Variants in ADAMTS2 observed in about 807,000 individuals in gnomAD.
ADAMTS2 encodes A disintegrin and metalloproteinase with thrombospondin motifs 2.
A neutral mutation model predicts 123.0 loss-of-function variants in ADAMTS2; 50 were observed. The ratio of observed to expected loss-of-function variants is 0.41; its 90% CI spans 0.32 to 0.51. The LOEUF (loss-of-function observed/expected upper bound fraction) is 0.51. ADAMTS2 is among the 20% of genes least tolerant of loss of function. The pLI, the probability that ADAMTS2 is intolerant of heterozygous loss-of-function variation, is 0.35. For synonymous variants in ADAMTS2, 678 were observed against 695.4 expected (o/e 0.98, Z 0.39); for missense variants, 1,494 against 1,705.2 (o/e 0.88, Z 2.18).
In ADAMTS2 at chr5:179,291,611, T is replaced by C. The variant is rs186992692; in HGVS notation, c.535-18547A>G. On this transcript the variant is annotated intron_variant, in intron 2 of 21. Transcript: ENST00000251582. ...GGTGGCAGAGTGTGGAAGGCGGGAGTGTGCCCACCATTAAACGAGGTTGAA... is the reference window on the plus strand; with the variant it reads ...GGTGGCAGAGTGTGGAAGGCGGGAGCGTGCCCACCATTAAACGAGGTTGAA... Among the ~76,000 whole-genome samples, 6 of 152,074 alleles carry C rather than the reference T, an allele frequency of 3.9e-5. No homozygotes were observed. In the East Asian group the frequency reaches 1.2e-3, roughly 29 times the overall value.
At chr5:179,147,847 C>T (rs1288303888) in intron 10 of ADAMTS2, among the ~76,000 whole-genome samples, 1 of 152,124 alleles carries the variant, frequency 6.6e-6, no homozygotes, top group Non-Finnish European at 1.5e-5. Context: ...AGAATTGTAT[C>T]AATGAGAAGC....
chr5:179,223,442 T>A (rs1303905103), intron 3 of ADAMTS2, among the ~76,000 whole-genome samples: 1 of 130,024 alleles, frequency 7.7e-6, no homozygotes. Flanking sequence ...ACGAACGCAC[T>A]CACACACGCA....
chr5:179,342,248 C>G (rs950963674), intron 2 of ADAMTS2, among the ~76,000 whole-genome samples: 1 of 152,202 alleles, frequency 6.6e-6, no homozygotes, highest in Non-Finnish European at 1.5e-5. Context: ...AGACTGCAAC[C>G]CCATGTCAAC....
At chr5:179,151,116 T>G (rs1330297829) in intron 10 of ADAMTS2, 4 of 381,548 alleles carry the variant, frequency 1.0e-5, no homozygotes, top group Middle Eastern at 3.5e-4. Flanking sequence ...AGACTTGTCT[T>G]GAACTTCTGA....
At chr5:179,211,242 C>T (rs1223249540) in intron 3 of ADAMTS2, among the ~76,000 whole-genome samples, 3 of 152,248 alleles carry the variant, frequency 2.0e-5, no homozygotes, top group Non-Finnish European at 2.9e-5. Context: ...CTGTATCCCT[C>T]GGCACTCACC....
In ADAMTS2 at chr5:179,326,863, A is replaced by AGGAGAG. The variant is rs369135976; in HGVS notation, c.534+16898_534+16903dup. ...ATGGCCAAAAACTGAAGTCATGGGA[A>AGGAGAG]GGAGAGGGAGAGGGAGAGGGAGAGA... is the stretch of plus-strand genomic sequence containing the variant. On this transcript the variant is annotated intron_variant, in intron 2 of 21. Coordinates refer to ENST00000251582, the MANE Select transcript of ADAMTS2 (RefSeq NM_014244.5). 5.0e-3 allele frequency among the ~76,000 whole-genome samples: 766 copies of AGGAGAG among 152,144 alleles called. 8 individuals are homozygous for AGGAGAG. Among genetic ancestry groups the AGGAGAG allele is most frequent in the East Asian group, 0.018 (92 of 5,150 alleles).
intron 3 of ADAMTS2, among the ~76,000 whole-genome samples, chr5:179,268,449 G>A (rs991085169): frequency 2.0e-5 from 3 of 152,210 alleles, no homozygotes; most frequent in African/African-American, 7.2e-5. Context: ...TCTGCAAATG[G>A]CACTGTGTGT....
intron 4 of ADAMTS2, among the ~76,000 whole-genome samples, chr5:179,190,720 T>G (rs894233594): frequency 1.3e-5 from 2 of 152,244 alleles, no homozygotes; most frequent in Admixed American, 6.5e-5. Flanking sequence ...CCCCAGCACC[T>G]AGTACAGGCT....
At position 179,202,443 on chromosome 5, in the gene ADAMTS2, CCTAA is replaced by C. The variant is rs577558369; in HGVS notation, c.891+5066_891+5069del. On this transcript the variant is annotated intron_variant, in intron 4 of 21. Transcript: ENST00000251582. The surrounding 1 kb of genome is among the most constrained non-coding windows in gnomAD (Gnocchi z 4.0). ...CCCTACCCTTCTTCCTTCTCCATCT[CCTAA>C]CTATTTTATTTCTTTCATTGCATTT... Among the ~76,000 whole-genome samples, 631 of 152,304 alleles carry C rather than the reference CCTAA, an allele frequency of 4.1e-3. 3 individuals carry two copies. The highest frequency in any genetic ancestry group is 0.014 in the African/African-American group (574 of 41,560).
chr5:179,275,808 T>C (rs1766680193), intron 2 of ADAMTS2, among the ~76,000 whole-genome samples: 1 of 152,210 alleles, frequency 6.6e-6, no homozygotes, highest in Non-Finnish European at 1.5e-5. Context: ...AGAGAACGAA[T>C]TCCTGCTGTT....
intron 3 of ADAMTS2, among the ~76,000 whole-genome samples, chr5:179,254,480 C>T (rs441329): frequency 2.0e-5 from 3 of 152,120 alleles, no homozygotes; most frequent in Non-Finnish European, 2.9e-5. Context: ...CACAACACTG[C>T]CAAAAACCAC....
intron 3 of ADAMTS2, among the ~76,000 whole-genome samples, chr5:179,271,323 G>T (rs4701088): frequency 6.6e-6 from 1 of 152,178 alleles, no homozygotes; most frequent in South Asian, 2.1e-4. Context: ...AGCTCACCTC[G>T]CCTGAGCAGA....
intron 2 of ADAMTS2, among the ~76,000 whole-genome samples, chr5:179,302,578 C>T (rs1487781398): frequency 2.6e-5 from 4 of 151,838 alleles, no homozygotes; most frequent in Admixed American, 6.6e-5. Flanking sequence ...ATAGATGTGG[C>T]CACAAAGGTG....
chr5:179,283,193 T>C (rs1766966519), intron 2 of ADAMTS2, among the ~76,000 whole-genome samples: 1 of 151,782 alleles, frequency 6.6e-6, no homozygotes, highest in Non-Finnish European at 1.5e-5. Flanking sequence ...ATAATGAGGG[T>C]TACAAATCAG....
intron 3 of ADAMTS2, among the ~76,000 whole-genome samples, chr5:179,208,711 C>T (rs1348754438): frequency 2.0e-5 from 3 of 152,244 alleles, no homozygotes. Context: ...GATGGCAGCC[C>T]CAGACCACAC....
chr5:179,302,535 G>A lies in ADAMTS2; in HGVS notation c.535-29471C>T, dbSNP rs1385218196. Among the ~76,000 whole-genome samples the A allele has an allele frequency of 9.9e-5, 15 of 152,000 alleles. No individual in the cohort carries two copies. The East Asian group carries it at 1.7e-3, about 18-fold the overall frequency. ...TGAGGACTTGTGGCCCAGTGGGTCC[G>A]GCTTCCCAACCTCCACCTTGCCAGC... On this transcript the variant is annotated intron_variant, in intron 2 of 21. Coordinates refer to ENST00000251582, the MANE Select transcript of ADAMTS2 (RefSeq NM_014244.5).
At chr5:179,310,629 C>T (rs973312308) in intron 2 of ADAMTS2, among the ~76,000 whole-genome samples, 5 of 152,268 alleles carry the variant, frequency 3.3e-5, no homozygotes, top group South Asian at 4.1e-4. Flanking sequence ...TGGGGGCCCC[C>T]GGGAGCTTGT....
At chr5:179,267,215 G>A (rs1425176586) in intron 3 of ADAMTS2, among the ~76,000 whole-genome samples, 1 of 152,202 alleles carries the variant, frequency 6.6e-6, no homozygotes, top group Non-Finnish European at 1.5e-5. Flanking sequence ...TGTGGGTCAG[G>A]AGGGGCTCTT....
intron 4 of ADAMTS2, among the ~76,000 whole-genome samples, chr5:179,203,277 G>A (rs1299519729): frequency 6.6e-6 from 1 of 152,228 alleles, no homozygotes; most frequent in Non-Finnish European, 1.5e-5. Context: ...ATCCAGTTCA[G>A]TGGGCAGCTC....
Sources: gnomAD v4.1 joint callset for allele counts (sites outside exome capture counted in the v4.1 genomes callset) on GRCh38, gnomAD v4.1.1 for gene constraint, Gnocchi (gnomAD v3.1) non-coding constraint, MANE v1.5 for transcripts, NCBI Gene and HGNC (gene_info 2026-07-23, HGNC 2026-07-21) for gene names.